CEP112: variants seen among roughly 807,000 people sequenced by gnomAD.
CEP112 encodes the protein centrosomal protein 112.
Under a neutral mutation model 153.0 loss-of-function variants are expected in CEP112, and 127 were observed. That is an observed-to-expected ratio of 0.83 (90% confidence interval 0.72 to 0.96). The LOEUF is 0.96. Ranked by LOEUF, CEP112 falls within the 40% of genes least tolerant of loss-of-function variation. CEP112 has a pLI of 0.00. For synonymous variants in CEP112, 358 were observed against 374.4 expected (o/e 0.96, Z 0.51); for missense variants, 1,089 against 1,101.2 (o/e 0.99, Z 0.16).
intron 20 of CEP112, among the ~76,000 whole-genome samples, chr17:65,884,895 T>C (rs746386988): frequency 2.0e-5 from 3 of 152,016 alleles, no homozygotes; most frequent in Non-Finnish European, 2.9e-5. Flanking sequence ...TTTGTATTTT[T>C]AGTAGAGACA....
intron 17 of CEP112, among the ~76,000 whole-genome samples, chr17:65,992,777 T>C (rs549970157): frequency 6.6e-6 from 1 of 152,306 alleles, no homozygotes; most frequent in South Asian, 2.1e-4. Flanking sequence ...TTGGCAATCT[T>C]AAAACTAAAT....
intron 10 of CEP112, among the ~76,000 whole-genome samples, chr17:66,065,215 T>C (rs1260303991): frequency 6.6e-6 from 1 of 152,200 alleles, no homozygotes; most frequent in Non-Finnish European, 1.5e-5. Flanking sequence ...CATGCAAAAT[T>C]ACAGCAGCAC....
intron 23 of CEP112, among the ~76,000 whole-genome samples, chr17:65,742,787 T>C (rs1346756846): frequency 6.6e-6 from 1 of 152,218 alleles, no homozygotes; most frequent in Non-Finnish European, 1.5e-5. Flanking sequence ...AATTCCAAAG[T>C]GGTTCTCAAG....
At chr17:65,917,407 T>C (rs1208864088) in intron 19 of CEP112, among the ~76,000 whole-genome samples, 1 of 152,180 alleles carries the variant, frequency 6.6e-6, no homozygotes, top group Non-Finnish European at 1.5e-5. Flanking sequence ...ATAAGTCATA[T>C]GGTAATCCAT....
chr17:65,665,308 T>TC (rs1482262707), intron 24 of CEP112, among the ~76,000 whole-genome samples: 1 of 152,174 alleles, frequency 6.6e-6, no homozygotes, highest in Non-Finnish European at 1.5e-5. Flanking sequence ...AGAGCCTCAG[T>TC]CCATCAGCTG....
intron 21 of CEP112, chr17:65,826,588 G>A (rs1326636429): frequency 2.4e-6 from 3 of 1,244,772 alleles, no homozygotes; most frequent in African/African-American, 3.1e-5. Flanking sequence ...TTGTGATTCT[G>A]GTCTCCCAGG....
At chr17:65,773,804 G>A (rs2053521207) in intron 21 of CEP112, among the ~76,000 whole-genome samples, 1 of 152,184 alleles carries the variant, frequency 6.6e-6, no homozygotes, top group African/African-American at 2.4e-5. Flanking sequence ...AGCAAAGGAG[G>A]TTGGGCACAG....
At chr17:66,107,791 AT>A (rs776236584) in intron 6 of CEP112, among the ~76,000 whole-genome samples, 16 of 152,250 alleles carry the variant, frequency 1.1e-4, no homozygotes, top group Non-Finnish European at 2.2e-4. Context: ...ATAGAAAAAA[AT>A]AATACTAACA....
chr17:65,812,128 T>A (rs971429872), intron 21 of CEP112, among the ~76,000 whole-genome samples: 1 of 151,946 alleles, frequency 6.6e-6, no homozygotes, highest in African/African-American at 2.4e-5. Flanking sequence ...CTCAGCCTCC[T>A]GAGTAGCTAG....
At chr17:65,878,116 A>AT (rs567059842) in intron 20 of CEP112, among the ~76,000 whole-genome samples, 38 of 152,166 alleles carry the variant, frequency 2.5e-4, no homozygotes, top group Non-Finnish European at 2.8e-4. Flanking sequence ...ATATATACCA[A>AT]TGTGACTATA....
In CEP112 at chr17:65,689,297, A is replaced by T. The variant is rs991683369; in HGVS notation, c.2608-79T>A. On this transcript the variant is annotated intron_variant, in intron 23 of 26. Transcript: ENST00000535342. ...AGTTCTACACCATGAACTGGCACTAAAAAGGCCTCAGATCTCTAGTTTATT... is the reference window on the plus strand; with the variant it reads ...AGTTCTACACCATGAACTGGCACTATAAAGGCCTCAGATCTCTAGTTTATT... 9 of 960,400 alleles carry T rather than the reference A, an allele frequency of 9.4e-6. No individual in the cohort carries two copies. In the South Asian group the frequency reaches 1.3e-4, roughly 13 times the overall value. 59.5% of individuals were successfully genotyped at this position (960,400 alleles called of 1,614,324 possible). A position where few individuals can be genotyped will look rare whatever the true frequency, so the allele number is the denominator to read the frequency against.
chr17:66,150,239 C>T, intron 4 of CEP112, among the ~76,000 whole-genome samples: 1 of 148,770 alleles, frequency 6.7e-6, no homozygotes, highest in South Asian at 2.2e-4. Flanking sequence ...ACTGTGTCAC[C>T]CAGGCTGGAG....
intron 24 of CEP112, among the ~76,000 whole-genome samples, chr17:65,684,561 T>G (rs1347487161): frequency 1.3e-5 from 2 of 152,212 alleles, no homozygotes; most frequent in Non-Finnish European, 2.9e-5. Flanking sequence ...CCTTTTCTTT[T>G]CTATAATTTA....
At chr17:65,960,528 C>T (rs1261669888) in intron 18 of CEP112, among the ~76,000 whole-genome samples, 1 of 152,126 alleles carries the variant, frequency 6.6e-6, no homozygotes, top group Non-Finnish European at 1.5e-5. Flanking sequence ...CACAGACAGT[C>T]AAGTTCCTCA....
At chr17:65,888,046 A>C (rs1236699664) in intron 20 of CEP112, among the ~76,000 whole-genome samples, 1 of 151,950 alleles carries the variant, frequency 6.6e-6, no homozygotes, top group African/African-American at 2.4e-5. Context: ...AAACTCCCCC[A>C]GGGCATCCCA....
At chr17:66,103,818 T>TG (rs1317780649) in intron 6 of CEP112, among the ~76,000 whole-genome samples, 1 of 152,180 alleles carries the variant, frequency 6.6e-6, no homozygotes, top group African/African-American at 2.4e-5. Flanking sequence ...TCTGTGTATT[T>TG]GGGGAAGGAA....
At chr17:65,821,496 T>TAA (rs2056537136) in intron 21 of CEP112, among the ~76,000 whole-genome samples, 9 of 121,416 alleles carry the variant, frequency 7.4e-5, no homozygotes, top group African/African-American at 2.9e-4. Flanking sequence ...ATATATATAA[T>TAA]TATATATATA....
At chr17:66,054,567 A>T (rs960808585) in intron 11 of CEP112, among the ~76,000 whole-genome samples, 21 of 152,206 alleles carry the variant, frequency 1.4e-4, no homozygotes, top group Admixed American at 2.6e-4. Context: ...GGAGGTCCAG[A>T]CAAGCTTCAA....
chr17:65,670,178 G>GT (rs200114619), intron 24 of CEP112, among the ~76,000 whole-genome samples: 39 of 144,218 alleles, frequency 2.7e-4, no homozygotes, highest in South Asian at 1.1e-3. Context: ...TGTTGTTGTT[G>GT]TTTTTTTTTT....
Sources: gnomAD v4.1 joint callset for allele counts (sites outside exome capture counted in the v4.1 genomes callset) on GRCh38, gnomAD v4.1.1 for gene constraint, MANE v1.5 for transcripts, NCBI Gene and HGNC (gene_info 2026-07-23, HGNC 2026-07-21) for gene names.